Variants in LDLRAD3 observed in about 807,000 individuals in gnomAD.
LDLRAD3 encodes the protein low-density lipoprotein receptor class A domain-containing protein 3.
LDLRAD3 carries 20 observed loss-of-function variants against 29.4 expected under a neutral mutation model. That is an observed-to-expected ratio of 0.68 (90% CI 0.48 to 0.99). The LOEUF (loss-of-function observed/expected upper bound fraction) is 0.99, where lower values mean the gene tolerates loss of function less well. LDLRAD3 is among the 50% of genes least tolerant of loss of function. LDLRAD3 has a pLI of 0.00. For synonymous variants in LDLRAD3, 157 were observed against 192.7 expected, an observed-to-expected ratio of 0.81 and a Z score of 1.53; for missense variants, 420 against 454.3, an observed-to-expected ratio of 0.92 and a Z score of 0.69.
chr11:35,997,348 G>T, intron 1 of LDLRAD3: 1 of 460,812 alleles, frequency 2.2e-6, no homozygotes, highest in South Asian at 1.7e-5. Flanking sequence ...AAGCAATGTT[G>T]ACAATCTCAT....
At chr11:36,081,199 G>C (rs1165478062) in intron 2 of LDLRAD3, among the ~76,000 whole-genome samples, 1 of 152,208 alleles carries the variant, frequency 6.6e-6, no homozygotes, top group Admixed American at 6.5e-5. Flanking sequence ...CCCATTGGGT[G>C]ATTGCTGGGT....
At chr11:36,052,684 A>C (rs1852546072) in intron 2 of LDLRAD3, among the ~76,000 whole-genome samples, 1 of 152,200 alleles carries the variant, frequency 6.6e-6, no homozygotes, top group Admixed American at 6.5e-5. Context: ...AAATAATAAA[A>C]TAGAATCTAC....
intron 1 of LDLRAD3, among the ~76,000 whole-genome samples, chr11:36,011,763 C>T (rs775770221): frequency 6.6e-6 from 1 of 152,152 alleles, no homozygotes; most frequent in East Asian, 1.9e-4. Context: ...CATCTTGAAC[C>T]TCAATTTCCT....
At chr11:36,062,123 A>G (rs1852710131) in intron 2 of LDLRAD3, among the ~76,000 whole-genome samples, 1 of 152,194 alleles carries the variant, frequency 6.6e-6, no homozygotes, top group African/African-American at 2.4e-5. Flanking sequence ...GCAGTTAGGT[A>G]ACTTGTCCAA....
At chr11:36,198,593 G>A (rs956532274) in intron 4 of LDLRAD3, among the ~76,000 whole-genome samples, 4 of 152,154 alleles carry the variant, frequency 2.6e-5, no homozygotes, top group Non-Finnish European at 5.9e-5. Context: ...TCCTGCCTCT[G>A]CATGAAGCAG....
chr11:36,090,464 G>T (rs1039039508), intron 3 of LDLRAD3, among the ~76,000 whole-genome samples: 1 of 152,150 alleles, frequency 6.6e-6, no homozygotes, highest in Non-Finnish European at 1.5e-5. Flanking sequence ...GTTTATTTCT[G>T]GGGGAAGGTT....
At chr11:36,090,995 CTTG>C (rs1445176309) in intron 3 of LDLRAD3, among the ~76,000 whole-genome samples, 2 of 152,276 alleles carry the variant, frequency 1.3e-5, no homozygotes, top group South Asian at 2.1e-4. Context: ...GGGTGCAGGG[CTTG>C]TTGTCGGGAT....
At chr11:36,105,727 TTCTC>T (rs1218798419) in intron 4 of LDLRAD3, among the ~76,000 whole-genome samples, 3 of 152,090 alleles carry the variant, frequency 2.0e-5, no homozygotes, top group African/African-American at 7.2e-5. Flanking sequence ...TCGGAACAGA[TTCTC>T]TCTCGCAGCC....
chr11:36,030,392 T>C (rs1209905204), intron 1 of LDLRAD3, among the ~76,000 whole-genome samples: 1 of 152,038 alleles, frequency 6.6e-6, no homozygotes, highest in Non-Finnish European at 1.5e-5. Context: ...TGTAAACAGA[T>C]CACTGCAGAG....
intron 4 of LDLRAD3, among the ~76,000 whole-genome samples, chr11:36,115,938 A>G (rs1193429363): frequency 1.3e-5 from 2 of 152,194 alleles, no homozygotes; most frequent in Non-Finnish European, 2.9e-5. Flanking sequence ...TAGCATGTAT[A>G]TTAACATATT....
chr11:36,003,134 C>T (rs149137667), intron 1 of LDLRAD3, among the ~76,000 whole-genome samples: 1 of 152,306 alleles, frequency 6.6e-6, no homozygotes, highest in African/African-American at 2.4e-5. Flanking sequence ...AGAAAATGCC[C>T]TATCAATATC....
chr11:36,098,275 C>T (rs1853392850), intron 3 of LDLRAD3, 52 bp from the exon 4 acceptor site: 15 of 1,609,004 alleles, frequency 9.3e-6, no homozygotes, highest in South Asian at 6.6e-5. Context: ...TCCAGGGTCC[C>T]CAAGGGAACT....
rs897615730 is a variant in LDLRAD3 at position 36,102,474 on chromosome 11, A to G, written c.454+4013A>G. On this transcript the variant is annotated intron_variant, in intron 4 of 5. Transcript: ENST00000315571. ...AAATAGTGGTTTCTCCACTTTAGCAACACCAGTTTATGGGAGCCCCTCCTC... is the reference window on the plus strand; with the variant it reads ...AAATAGTGGTTTCTCCACTTTAGCAGCACCAGTTTATGGGAGCCCCTCCTC... 2.0e-5 allele frequency among the ~76,000 whole-genome samples: 3 copies of G among 150,880 alleles called. No homozygotes were observed. In the Admixed American group the frequency reaches 2.0e-4, roughly 10 times the overall value.
chr11:36,049,827 G>A (rs78438473), intron 2 of LDLRAD3, among the ~76,000 whole-genome samples: 5,102 of 152,218 alleles, frequency 0.034, 247 homozygotes, highest in Admixed American at 0.13. Flanking sequence ...TATTTCTATT[G>A]TCCTTGCCCT....
intron 4 of LDLRAD3, among the ~76,000 whole-genome samples, chr11:36,162,846 T>G (rs1854462596): frequency 6.6e-6 from 1 of 152,212 alleles, no homozygotes; most frequent in African/African-American, 2.4e-5. Flanking sequence ...CCCCATCCCC[T>G]TCTCATGACA....
chr11:36,220,344 G>A (rs1855411338), intron 4 of LDLRAD3, among the ~76,000 whole-genome samples: 1 of 152,136 alleles, frequency 6.6e-6, no homozygotes, highest in South Asian at 2.1e-4. Context: ...TCAGCCCTAT[G>A]TATGCCCAAG....
intron 4 of LDLRAD3, among the ~76,000 whole-genome samples, chr11:36,195,304 C>T (rs545843767): frequency 7.4e-6 from 1 of 135,450 alleles, no homozygotes; most frequent in South Asian, 2.4e-4. Context: ...AGCATAGAAG[C>T]ATCGTACTAT....
chr11:36,067,774 G>A (rs1298314925), intron 2 of LDLRAD3, among the ~76,000 whole-genome samples: 6 of 152,162 alleles, frequency 3.9e-5, no homozygotes, highest in African/African-American at 1.2e-4. Flanking sequence ...GGGCTGAAGC[G>A]ATCCTCCCAC....
intron 4 of LDLRAD3, among the ~76,000 whole-genome samples, chr11:36,112,261 C>T (rs1361160419): frequency 6.6e-6 from 1 of 152,184 alleles, no homozygotes; most frequent in Admixed American, 6.5e-5. Flanking sequence ...GAGCACATTG[C>T]TAGGTGCTGA....
Sources: gnomAD v4.1 joint callset for allele counts (sites outside exome capture counted in the v4.1 genomes callset) on GRCh38, gnomAD v4.1.1 for gene constraint, MANE v1.5 for transcripts, NCBI Gene and HGNC (gene_info 2026-07-23, HGNC 2026-07-21) for gene names.